Variants in NDUFAF6 observed in about 807,000 individuals in gnomAD.
The protein encoded by NDUFAF6 is NADH:ubiquinone oxidoreductase complex assembly factor 6.
Under a neutral mutation model 40.8 loss-of-function variants are expected in NDUFAF6, and 45 were observed. That is an observed-to-expected ratio of 1.10 (90% CI 0.87 to 1.42). The LOEUF (loss-of-function observed/expected upper bound fraction) is 1.42, where lower values mean the gene tolerates loss of function less well. Ranked by LOEUF, NDUFAF6 falls within the 40% of genes most tolerant of loss-of-function variation. NDUFAF6 has a pLI of 0.00. For missense variants in NDUFAF6, 435 were observed against 418.5 expected (o/e 1.04, Z -0.34); for synonymous variants, 185 against 155.9 (o/e 1.19, Z -1.39).
intron 2 of NDUFAF6, 120 bp from the exon 3 acceptor site, chr8:95,035,334 T>G: frequency 1.0e-6 from 1 of 979,934 alleles, no homozygotes; most frequent in Non-Finnish European, 1.6e-6. Flanking sequence ...TGTAGTCATG[T>G]ATTTATCACC....
chr8:94,960,835 C>G (rs1164439634), intron 1 of NDUFAF6, among the ~76,000 whole-genome samples: 4 of 152,206 alleles, frequency 2.6e-5, no homozygotes, highest in African/African-American at 9.7e-5. Flanking sequence ...ACTGTTGTAA[C>G]TTTTCGAACA....
chr8:94,918,908 G>A (rs79463485), intron 1 of NDUFAF6, among the ~76,000 whole-genome samples: 430 of 152,198 alleles, frequency 2.8e-3, no homozygotes, highest in African/African-American at 9.9e-3. Context: ...TTTTAATTTA[G>A]TTAAGTTTTA....
intron 2 of NDUFAF6, among the ~76,000 whole-genome samples, chr8:94,994,601 G>A (rs1414624952): frequency 1.3e-5 from 2 of 151,858 alleles, no homozygotes; most frequent in African/African-American, 4.8e-5. Context: ...TGGGAAGCCA[G>A]GGTGGGATGA....
chr8:94,913,264 C>T (rs914534765), intron 1 of NDUFAF6, among the ~76,000 whole-genome samples: 2 of 152,088 alleles, frequency 1.3e-5, no homozygotes, highest in African/African-American at 4.8e-5. Flanking sequence ...CTAGCAGGTG[C>T]CCTTTTTAAG....
intron 7 of NDUFAF6, among the ~76,000 whole-genome samples, chr8:95,050,518 G>A (rs992286194): frequency 6.6e-6 from 1 of 152,208 alleles, no homozygotes; most frequent in Non-Finnish European, 1.5e-5. Context: ...TTCCTCATCT[G>A]TAGTAGTGGA....
intron 8 of NDUFAF6, among the ~76,000 whole-genome samples, chr8:95,053,101 A>G (rs998801573): frequency 3.3e-5 from 5 of 152,200 alleles, no homozygotes; most frequent in Non-Finnish European, 7.3e-5. Context: ...ATATACTTAG[A>G]AATTCATTTC....
At chr8:95,015,626 ATAACTATTC>A in intron 2 of NDUFAF6, among the ~76,000 whole-genome samples, 1 of 152,244 alleles carries the variant, frequency 6.6e-6, no homozygotes, top group African/African-American at 2.4e-5. Context: ...CACTTATTTG[ATAACTATTC>A]ATATTGATAG....
intron 1 of NDUFAF6, chr8:94,939,822 G>C: frequency 1.3e-6 from 2 of 1,580,370 alleles, no homozygotes; most frequent in Non-Finnish European, 1.7e-6. Flanking sequence ...TGCATGCTCA[G>C]TGGACTGCCT....
At chr8:95,000,181 A>G (rs1042515160) in intron 2 of NDUFAF6, among the ~76,000 whole-genome samples, 1 of 152,168 alleles carries the variant, frequency 6.6e-6, no homozygotes, top group African/African-American at 2.4e-5. Context: ...TACAAAAAAT[A>G]CAATAGTTAG....
chr8:95,070,398 C>T (rs1832813018), intron 9 of NDUFAF6, among the ~76,000 whole-genome samples: 1 of 152,142 alleles, frequency 6.6e-6, no homozygotes, highest in Non-Finnish European at 1.5e-5. Context: ...TACTGTGTCA[C>T]TTTCAGAGAA....
intron 4 of NDUFAF6, among the ~76,000 whole-genome samples, chr8:95,111,665 C>G (rs573911599): frequency 3.0e-3 from 459 of 152,252 alleles, no homozygotes; most frequent in Non-Finnish European, 4.7e-3. Flanking sequence ...ATCGTGGGCA[C>G]CAGTATCTTG....
At chr8:94,943,409 A>G (rs1821725880) in intron 1 of NDUFAF6, among the ~76,000 whole-genome samples, 1 of 152,202 alleles carries the variant, frequency 6.6e-6, no homozygotes. Flanking sequence ...GGATCTCTTG[A>G]GTCCAGGTTC....
At chr8:94,931,095 T>C (rs1400364546) in intron 1 of NDUFAF6, among the ~76,000 whole-genome samples, 1 of 152,244 alleles carries the variant, frequency 6.6e-6, no homozygotes, top group African/African-American at 2.4e-5. Flanking sequence ...TTTGCAAATA[T>C]ATATTTTAAT....
chr8:95,070,597 G>T (rs1832818233), intron 9 of NDUFAF6, among the ~76,000 whole-genome samples: 1 of 151,912 alleles, frequency 6.6e-6, no homozygotes. Context: ...TTCCACTTTG[G>T]ATTATGAAAT....
chr8:94,998,559 T>C (rs1299331714), intron 2 of NDUFAF6, among the ~76,000 whole-genome samples: 1 of 152,192 alleles, frequency 6.6e-6, no homozygotes, highest in Non-Finnish European at 1.5e-5. Context: ...TTAGCAGTCA[T>C]GTATTGAGTG....
intron 1 of NDUFAF6, among the ~76,000 whole-genome samples, chr8:94,908,855 C>T (rs1021065558): frequency 4.6e-5 from 7 of 152,082 alleles, no homozygotes; most frequent in Non-Finnish European, 2.9e-5. Context: ...GAACCCAAGC[C>T]TTGACTCCTA....
chr8:95,080,407 T>A (rs183700838), downstream of NDUFAF6, among the ~76,000 whole-genome samples: 27 of 151,876 alleles, frequency 1.8e-4, no homozygotes, highest in Middle Eastern at 6.8e-3. Flanking sequence ...TGTATTTTTG[T>A]AGTGATTTTT....
At chr8:95,039,544 C>T (rs899481089) in intron 3 of NDUFAF6, among the ~76,000 whole-genome samples, 13 of 151,534 alleles carry the variant, frequency 8.6e-5, no homozygotes, top group African/African-American at 2.9e-4. Flanking sequence ...TCCCAAAGTG[C>T]TGGTATTACA....
intron 1 of NDUFAF6, chr8:94,928,864 A>G (rs941193175): frequency 1.3e-5 from 2 of 152,590 alleles, no homozygotes; most frequent in African/African-American, 4.8e-5. Context: ...CCTTGAAAAC[A>G]TTTTGTAGAC....
Sources: gnomAD v4.1 joint callset for allele counts (sites outside exome capture counted in the v4.1 genomes callset) on GRCh38, gnomAD v4.1.1 for gene constraint, MANE v1.5 for transcripts, NCBI Gene and HGNC (gene_info 2026-07-23, HGNC 2026-07-21) for gene names.